Variants in TRPM3 observed in about 807,000 individuals in gnomAD.
TRPM3 encodes the protein long transient receptor potential channel 3.
Under a neutral mutation model 181.2 loss-of-function variants are expected in TRPM3, and 77 were observed. That is an observed-to-expected ratio of 0.42 (90% CI 0.35 to 0.51). The LOEUF (loss-of-function observed/expected upper bound fraction) is 0.51, where lower values mean the gene tolerates loss of function less well. TRPM3 is among the 20% of genes least tolerant of loss of function. The pLI is 0.01. For synonymous variants in TRPM3, 745 were observed against 796.4 expected (o/e 0.94, Z 1.09); for missense variants, 1,759 against 2,196.7 (o/e 0.80, Z 3.98).
chr9:71,199,462 T>C (rs1458379377), intron 1 of TRPM3, among the ~76,000 whole-genome samples: 1 of 152,176 alleles, frequency 6.6e-6, no homozygotes, highest in African/African-American at 2.4e-5. Context: ...CAGTTCCTCC[T>C]TGTACCTCTG....
rs528869823 is a variant in TRPM3, at chr9:70,663,206, C to T, written c.1345+18300G>A. ...TAAACTATGAGGATGTGAAGGCATACGAATGATATAATGTATGTTGGGGAT... is the reference window on the plus strand; with the variant it reads ...TAAACTATGAGGATGTGAAGGCATATGAATGATATAATGTATGTTGGGGAT... On this transcript the variant is annotated intron_variant, in intron 9 of 25. Transcript: ENST00000677713. Among the ~76,000 whole-genome samples, 107 of 152,070 alleles carry T rather than the reference C, an allele frequency of 7.0e-4. 3 individuals carry two copies. The highest frequency in any genetic ancestry group is 2.2e-3 in the African/African-American group (92 of 41,494).
intron 3 of TRPM3, among the ~76,000 whole-genome samples, chr9:70,855,101 A>G (rs969384764): frequency 6.6e-6 from 1 of 152,176 alleles, no homozygotes; most frequent in Non-Finnish European, 1.5e-5. Flanking sequence ...ATTTTTTACT[A>G]AAGCCTCTCT....
intron 1 of TRPM3, among the ~76,000 whole-genome samples, chr9:71,077,352 G>A (rs2063605424): frequency 1.3e-5 from 2 of 152,078 alleles, no homozygotes; most frequent in African/African-American, 4.8e-5. Context: ...AGGGACAAAC[G>A]TTATTACCTG....
chr9:71,238,970 A>G (rs1481667070), intron 1 of TRPM3, among the ~76,000 whole-genome samples: 1 of 152,174 alleles, frequency 6.6e-6, no homozygotes, highest in African/African-American at 2.4e-5. Flanking sequence ...ACCAAAATAC[A>G]TATCTCAGAC....
intron 6 of TRPM3, among the ~76,000 whole-genome samples, chr9:70,806,948 A>G (rs868489487): frequency 6.6e-6 from 1 of 152,204 alleles, no homozygotes; most frequent in Non-Finnish European, 1.5e-5. Flanking sequence ...TGGTTTTAAG[A>G]TGATTATCTC....
rs2093860792 is a variant in TRPM3, at chr9:71,426,256, AAAAT to A, written c.183+20393_183+20396del. ...TTTGCAAAATGACATCCATACTGGG[AAAAT>A]AAATAATCTCTTCAGCCCCAGCAAC... On this transcript the variant is annotated intron_variant, in intron 1 of 24. Transcript: ENST00000357533. Among the ~76,000 whole-genome samples the A allele has an allele frequency of 2.0e-5, 3 of 151,090 alleles. No individual in the cohort carries two copies. In the Middle Eastern group the frequency reaches 0.01, roughly 514 times the overall value.
chr9:70,591,902 C>A (rs961838022), intron 21 of TRPM3, among the ~76,000 whole-genome samples: 86 of 152,138 alleles, frequency 5.7e-4, no homozygotes, highest in Non-Finnish European at 2.6e-4. Context: ...AGGGTGTTTT[C>A]TTGGGCATTA....
intron 1 of TRPM3, among the ~76,000 whole-genome samples, chr9:70,973,248 C>T (rs140088787): frequency 1.3e-5 from 2 of 152,252 alleles, no homozygotes; most frequent in East Asian, 3.9e-4. Context: ...TATCAGTCTA[C>T]ATTATCATAC....
In TRPM3 at chr9:70,742,268, T is replaced by C. The variant is rs917777101; in HGVS notation, c.1272+19333A>G. Among the ~76,000 whole-genome samples the C allele has an allele frequency of 4.6e-5, 7 of 152,246 alleles. No homozygotes were observed. The South Asian group carries it at 1.2e-3, about 27-fold the overall frequency. ...TAATCATGATTATTTACCTTTCTCA[T>C]GTGTTTATTTATTTTCTATATTTCT... On this transcript the variant is annotated intron_variant, in intron 8 of 25. Transcript: ENST00000677713.
At chr9:70,594,018 G>A (rs1448905668) in intron 21 of TRPM3, among the ~76,000 whole-genome samples, 2 of 147,812 alleles carry the variant, frequency 1.4e-5, no homozygotes, top group African/African-American at 4.9e-5. Context: ...CAGAATACCT[G>A]GGTTTTCATC....
At chr9:71,127,315 A>ACC (rs1554831565) in intron 1 of TRPM3, among the ~76,000 whole-genome samples, 2 of 151,546 alleles carry the variant, frequency 1.3e-5, no homozygotes, top group Non-Finnish European at 2.9e-5. Context: ...ACACACACAC[A>ACC]CCCCTGAACT....
At chr9:71,125,596 T>C (rs574777938), upstream of TRPM3, among the ~76,000 whole-genome samples, 6 of 152,310 alleles carry the variant, frequency 3.9e-5, no homozygotes, top group East Asian at 5.8e-4. Flanking sequence ...TAGTCCATCA[T>C]TGATGTGCAT....
intron 1 of TRPM3, among the ~76,000 whole-genome samples, chr9:71,071,718 G>A (rs1000071953): frequency 6.6e-6 from 1 of 152,148 alleles, no homozygotes; most frequent in South Asian, 2.1e-4. Context: ...AAACAGAGCT[G>A]GGTTTGAATC....
chr9:71,039,153 G>A (rs528224012), intron 1 of TRPM3, among the ~76,000 whole-genome samples: 1 of 152,302 alleles, frequency 6.6e-6, no homozygotes, highest in African/African-American at 2.4e-5. Context: ...TGTGGTCAGC[G>A]TGGTGTATGG....
upstream of TRPM3, among the ~76,000 whole-genome samples, chr9:71,123,803 G>A (rs1222068833): frequency 1.3e-5 from 2 of 152,080 alleles, no homozygotes; most frequent in Non-Finnish European, 2.9e-5. Context: ...TTAAATGAAC[G>A]CCCTTAAGTG....
Position 71,288,192 on chromosome 9 carries a change from TTATAA to T in TRPM3, c.183+158456_183+158460del, listed in dbSNP as rs199664172. Among the ~76,000 whole-genome samples the T allele has an allele frequency of 9.9e-3, 1,506 of 151,486 alleles. 32 individuals carry two copies. The highest frequency in any genetic ancestry group is 0.035 in the African/African-American group (1,440 of 41,428). The stretch of plus-strand genomic sequence containing the variant: ...AATTTATATTAAATATATTTTTAAC[TTATAA>T]TATTTAATATCATAATTATGATATT... On this transcript the variant is annotated intron_variant, in intron 1 of 24. Transcript: ENST00000357533.
At chr9:71,100,099 T>A (rs546423299) in intron 1 of TRPM3, among the ~76,000 whole-genome samples, 1 of 152,304 alleles carries the variant, frequency 6.6e-6, no homozygotes, top group East Asian at 1.9e-4. Flanking sequence ...TATATTTCTG[T>A]TTCATCATGT....
At chr9:70,974,765 A>T (rs1340929726) in intron 1 of TRPM3, among the ~76,000 whole-genome samples, 1 of 151,918 alleles carries the variant, frequency 6.6e-6, no homozygotes, top group East Asian at 1.9e-4. Context: ...TAACTTATTC[A>T]AGGACAAAAT....
intron 1 of TRPM3, among the ~76,000 whole-genome samples, chr9:71,393,053 G>A (rs188324617): frequency 2.6e-5 from 4 of 152,208 alleles, no homozygotes; most frequent in Admixed American, 6.5e-5. Flanking sequence ...AGGAAGGACT[G>A]GATACCGTGT....
Sources: allele counts gnomAD v4.1 joint callset (sites outside exome capture counted in the v4.1 genomes callset), GRCh38; gene constraint gnomAD v4.1.1; transcripts MANE v1.5; gene names NCBI Gene and HGNC (gene_info 2026-07-23, HGNC 2026-07-21).